CHAF1B: variants seen among roughly 807,000 people sequenced by gnomAD.
CHAF1B encodes the protein CAF-1 subunit B.
Under a neutral mutation model 60.7 loss-of-function variants are expected in CHAF1B, and 10 were observed. That is an observed-to-expected ratio of 0.16 (90% confidence interval 0.10 to 0.28). CHAF1B has a LOEUF of 0.28. Ranked by LOEUF, CHAF1B falls within the 10% of genes least tolerant of loss-of-function variation. The probability of loss-of-function intolerance (pLI) is 1.00; values close to 1 mark genes in which losing one functional copy is unlikely to be tolerated. For missense variants in CHAF1B, 558 were observed against 708.4 expected, an observed-to-expected ratio of 0.79 and a Z score of 2.41; for synonymous variants, 261 against 266.1, an observed-to-expected ratio of 0.98 and a Z score of 0.19.
intron 2 of CHAF1B, 120 bp downstream of exon 2, chr21:36,386,382 G>A (rs1385550879): frequency 1.6e-6 from 2 of 1,260,486 alleles, no homozygotes; most frequent in South Asian, 1.4e-5. Context: ...CAGTGCTTTG[G>A]GAGGCTGAGG....
At chr21:36,399,011 C>G (rs2086164879) in intron 6 of CHAF1B, among the ~76,000 whole-genome samples, 1 of 150,458 alleles carries the variant, frequency 6.6e-6, no homozygotes, top group Non-Finnish European at 1.5e-5. Flanking sequence ...ATCTGATTAG[C>G]TAGTGGGAGT....
chr21:36,408,030 A>T (rs866612475), intron 8 of CHAF1B, among the ~76,000 whole-genome samples: 20 of 152,158 alleles, frequency 1.3e-4, no homozygotes, highest in Admixed American at 2.6e-4. Flanking sequence ...ATAATAATAA[A>T]AAAGACTATT....
chr21:36,387,510 C>T, intron 2 of CHAF1B, 88 bp from the exon 3 acceptor site: 1 of 1,516,414 alleles, frequency 6.6e-7, no homozygotes, highest in Non-Finnish European at 9.0e-7. Context: ...TGTGAGCCAC[C>T]ACACCCAGCC....
At chr21:36,404,142 A>G (rs922464550) in intron 8 of CHAF1B, among the ~76,000 whole-genome samples, 5 of 125,162 alleles carry the variant, frequency 4.0e-5, no homozygotes, top group African/African-American at 1.6e-4. Context: ...CCTGTTGCCC[A>G]GCTGGAGTGC....
chr21:36,403,754 C>T (rs1446759842), intron 8 of CHAF1B, among the ~76,000 whole-genome samples: 1 of 152,184 alleles, frequency 6.6e-6, no homozygotes, highest in African/African-American at 2.4e-5. Context: ...TAAGGCTAGG[C>T]ATTATTGTGG....
In CHAF1B at chr21:36,386,070, CTT is replaced by C. The variant is rs1307591387; in HGVS notation, c.-65_-64del. 4.4e-6 allele frequency: 7 copies of C among 1,595,584 alleles called. No individual in the cohort carries two copies. In the Admixed American group the frequency reaches 1.2e-4, roughly 27 times the overall value. ...TTAATCCATCACCAGCATTTTGCAGCTTTCTCCTGTCTTGAAGAAGTAGAACG... is the reference window on the plus strand; with the variant it reads ...TTAATCCATCACCAGCATTTTGCAGCTCTCCTGTCTTGAAGAAGTAGAACG... On this transcript the variant is annotated 5_prime_UTR_variant, in exon 2 of 14. Coordinates refer to ENST00000314103, the MANE Select transcript of CHAF1B (RefSeq NM_005441.3).
rs569116913 is a variant in CHAF1B, at chr21:36,386,333, C to G, written c.126+71C>G. On this transcript the variant is annotated intron_variant, in intron 2 of 13. Coordinates refer to ENST00000314103, the MANE Select transcript of CHAF1B (RefSeq NM_005441.3). Reference sequence around the variant, plus strand: ...ATAGTTTTCATTCTTTTACTTAAAACCAGTGTCGGCTGGGCGCGGTGGCTT... The same window carrying G: ...ATAGTTTTCATTCTTTTACTTAAAAGCAGTGTCGGCTGGGCGCGGTGGCTT... 789 of 1,568,178 alleles carry G rather than the reference C, an allele frequency of 5.0e-4. 1 individual carries two copies. Among genetic ancestry groups the G allele is most frequent in the Admixed American group, 1.2e-3 (68 of 55,582 alleles).
At chr21:36,415,821 C>T (rs1457118238) in intron 13 of CHAF1B, 7 of 385,078 alleles carry the variant, frequency 1.8e-5, no homozygotes, top group Non-Finnish European at 2.5e-5. Context: ...GGCACGATTT[C>T]GGCTCACTGC....
chr21:36,407,989 AAAG>A (rs2086250782), intron 8 of CHAF1B, among the ~76,000 whole-genome samples: 1 of 152,138 alleles, frequency 6.6e-6, no homozygotes, highest in African/African-American at 2.4e-5. Flanking sequence ...AAGAAAAAAA[AAAG>A]AGGGCAGCTA....
chr21:36,391,639 G>A lies in CHAF1B; in HGVS notation c.348G>A (p.Lys116=). ...ATGAGGACGAGGCCCAGCTGAACAA[G>A]GAGAACTGGACGGTTGTGAAGACTC... ...FQDEDEAQLN[K]ENWTVVKTLR... is the part of the protein sequence containing the mutation. Residue 116 remains lysine, a synonymous_variant, in exon 4 of 14, where the codon AAG becomes AAA. Transcript: ENST00000314103. The A allele has an allele frequency of 6.2e-7, 1 of 1,613,238 alleles. No homozygotes were observed. Among genetic ancestry groups the A allele is most frequent in the East Asian group, 2.2e-5 (1 of 44,842 alleles).
In CHAF1B at chr21:36,402,750, T is replaced by C; in HGVS notation, c.664-8T>C. Reference sequence around the variant, plus strand: ...AAAAATAATAAAAATAAATTTTGTGTGCGACAGGCAAGAAGCTACCGGATG... The same window carrying C: ...AAAAATAATAAAAATAAATTTTGTGCGCGACAGGCAAGAAGCTACCGGATG... On this transcript the variant is annotated splice_polypyrimidine_tract_variant and splice_region_variant and intron_variant, in intron 7 of 13. Coordinates refer to ENST00000314103, the MANE Select transcript of CHAF1B (RefSeq NM_005441.3). 10 of 1,603,580 alleles carry C rather than the reference T, an allele frequency of 6.2e-6. No individual in the cohort carries two copies. Among genetic ancestry groups the C allele is most frequent in the Non-Finnish European group, 7.7e-6 (9 of 1,176,078 alleles).
intron 10 of CHAF1B, 58 bp from the exon 11 acceptor site, chr21:36,411,405 C>T: frequency 6.2e-7 from 1 of 1,603,216 alleles, no homozygotes. Flanking sequence ...TGAGCCATTG[C>T]ACCTGGTCAG....
At chr21:36,392,219 T>C (rs1018366200) in intron 4 of CHAF1B, among the ~76,000 whole-genome samples, 4 of 152,046 alleles carry the variant, frequency 2.6e-5, no homozygotes, top group African/African-American at 7.2e-5. Flanking sequence ...ACAGCACATG[T>C]TTCAGAGAGC....
intron 10 of CHAF1B, 84 bp downstream of exon 10, chr21:36,409,549 A>G (rs1472264071): frequency 4.4e-6 from 4 of 915,684 alleles, no homozygotes; most frequent in Admixed American, 4.2e-5. Context: ...ATTCTGTCTT[A>G]TGGGGAAAGG....
At chr21:36,392,780 C>T (rs1217955719) in intron 4 of CHAF1B, among the ~76,000 whole-genome samples, 2 of 151,540 alleles carry the variant, frequency 1.3e-5, no homozygotes, top group East Asian at 3.9e-4. Context: ...GGCGGCCGGG[C>T]AGAGACGCTA....
intron 7 of CHAF1B, among the ~76,000 whole-genome samples, chr21:36,399,953 C>T (rs2086173694): frequency 6.6e-6 from 1 of 152,078 alleles, no homozygotes; most frequent in South Asian, 2.1e-4. Context: ...CTGAGGTGGG[C>T]GGATCACTTG....
In CHAF1B at chr21:36,412,993, A is replaced by G. The variant is rs2086289141; in HGVS notation, c.1171A>G (p.Asn391Asp). 6.2e-7 allele frequency: 1 copy of G among 1,614,108 alleles called. No individual in the cohort carries two copies. The highest frequency in any genetic ancestry group is 1.3e-5 in the African/African-American group (1 of 74,944). ...TCCTTTGAAAGAGAAGCCAGTTTTG[A>G]ACATGAGAACTCCTGATACAGCAAA... ...GIPLKEKPVL[N>D]MRTPDTAKKT... The change falls in exon 12 of 14, where the codon AAC becomes GAC. Residue 391 changes from asparagine (N) to aspartate (D), a missense_variant. Transcript: ENST00000314103.
At chr21:36,401,113 A>T (rs2086184054) in intron 7 of CHAF1B, among the ~76,000 whole-genome samples, 1 of 151,940 alleles carries the variant, frequency 6.6e-6, no homozygotes, top group African/African-American at 2.4e-5. Flanking sequence ...CTAGAAATAC[A>T]GAAATTTGCT....
At chr21:36,399,101 A>G (rs886154639) in intron 6 of CHAF1B, among the ~76,000 whole-genome samples, 3 of 151,138 alleles carry the variant, frequency 2.0e-5, no homozygotes, top group East Asian at 1.9e-4. Context: ...CAGTGCCACA[A>G]TCTCAGCACT....
Sources: gnomAD v4.1 joint callset for allele counts (sites outside exome capture counted in the v4.1 genomes callset) on GRCh38, gnomAD v4.1.1 for gene constraint, MANE v1.5 for transcripts, NCBI Gene and HGNC (gene_info 2026-07-23, HGNC 2026-07-21) for gene names.